The following COG2 variants were observed in gnomAD, a reference collection of about 807,000 sequenced individuals.
COG2 encodes component of oligomeric golgi complex 2.
A neutral mutation model predicts 90.6 loss-of-function variants in COG2; 52 were observed. The observed-to-expected ratio is 0.57, with a 90% CI of 0.46 to 0.72. The LOEUF (loss-of-function observed/expected upper bound fraction) is 0.72, where lower values mean the gene tolerates loss of function less well. Among genes scored for constraint, COG2 ranks in the 30% least tolerant of loss-of-function variants. COG2 has a pLI of 0.00. For missense variants in COG2, 829 were observed against 891.2 expected (o/e 0.93, Z 0.89); for synonymous variants, 337 against 320.4 (o/e 1.05, Z -0.55).
At position 230,693,445 on chromosome 1, in the gene COG2, T is replaced by A. The variant is rs755052528; in HGVS notation, c.*52T>A. 8.4e-7 allele frequency: 1 copy of A among 1,189,106 alleles called. No homozygotes were observed. The highest frequency in any genetic ancestry group is 1.2e-6 in the Non-Finnish European group (1 of 812,344). The allele number at this position is 1,189,106 out of a possible 1,614,324, so 73.7% of individuals were successfully genotyped here. On this transcript the variant is annotated 3_prime_UTR_variant, in exon 18 of 18. Coordinates refer to ENST00000366669, the MANE Select transcript of COG2 (RefSeq NM_007357.3). ...TTCTTAAGCAAGAGAAGAGTTGGAC[T>A]TCCAGGCTGAAGGGGAGAAAGTGAC...
chr1:230,671,725 G>A, intron 8 of COG2, 85 bp downstream of exon 8: 2 of 1,271,830 alleles, frequency 1.6e-6, no homozygotes. Flanking sequence ...GACGATGACT[G>A]TCTTGTATGA....
At position 230,660,818 on chromosome 1, in the gene COG2, G is replaced by T; in HGVS notation, c.295G>T (p.Val99Phe). 2 of 1,574,156 alleles carry T rather than the reference G, an allele frequency of 1.3e-6. No homozygotes were observed. Among genetic ancestry groups the T allele is most frequent in the East Asian group, 4.8e-5 (2 of 41,934 alleles). Residue 99 changes from valine to phenylalanine, a missense_variant, in exon 3 of 18, where the codon GTT (valine) becomes TTT (phenylalanine). Val to Phe is a conservative substitution (Grantham distance 50, BLOSUM62 -1). Transcript: ENST00000366669. Reference sequence around the variant, plus strand: ...GCCTTTGGGACAATTACGAGAAGAGGTTCTGGTAAGTTTCCCGAATAACAT... The same window carrying T: ...GCCTTTGGGACAATTACGAGAAGAGTTTCTGGTAAGTTTCCCGAATAACAT... ...SVPLGQLREE[V>F]LSLRSSVSEG... is the part of the protein sequence containing the mutation.
chr1:230,643,417 C>G (rs1275720860), intron 1 of COG2, among the ~76,000 whole-genome samples: 1 of 152,192 alleles, frequency 6.6e-6, no homozygotes, highest in East Asian at 1.9e-4. Context: ...TGGGTCTGCA[C>G]TTAAGCCATT....
Position 230,685,057 on chromosome 1 carries a change from ATG to A in COG2, c.1229-22_1229-21del, listed in dbSNP as rs746090812. ...CCTAAAATTGCCTGAAATTCCTTAA[ATG>A]TGTGTTGTTGTTGTTTTTTCTCTAG... On this transcript the variant is annotated intron_variant, in intron 11 of 17. Coordinates refer to ENST00000366669, the MANE Select transcript of COG2 (RefSeq NM_007357.3). 2.5e-6 allele frequency: 4 copies of A among 1,612,390 alleles called. No individual in the cohort carries two copies. The East Asian group carries it at 8.9e-5, about 36-fold the overall frequency.
Position 230,671,508 on chromosome 1 carries a change from T to G in COG2, c.775-8T>G, listed in dbSNP as rs948637931. On this transcript the variant is annotated splice_polypyrimidine_tract_variant and splice_region_variant and intron_variant, in intron 7 of 17. Transcript: ENST00000366669. ...TGCTTTTTTAAAAAATGATTTTTCT[T>G]TTAATAGGTGATTATAGAGCAGTTT... 2 of 1,600,588 alleles carry G rather than the reference T, an allele frequency of 1.2e-6. No homozygotes were observed. The highest frequency in any genetic ancestry group is 1.4e-5 in the African/African-American group (1 of 73,930).
rs751510643 is a variant in COG2 at position 230,693,443 on chromosome 1, A to G, written c.*50A>G. ...GATTCTTAAGCAAGAGAAGAGTTGG[A>G]CTTCCAGGCTGAAGGGGAGAAAGTG... On this transcript the variant is annotated 3_prime_UTR_variant, in exon 18 of 18. Coordinates refer to ENST00000366669, the MANE Select transcript of COG2 (RefSeq NM_007357.3). 3 of 1,199,514 alleles carry G rather than the reference A, an allele frequency of 2.5e-6. No individual in the cohort carries two copies. The highest frequency in any genetic ancestry group is 2.6e-5 in the South Asian group (2 of 76,328). The allele number at this position is 1,199,514 out of a possible 1,614,324, so 74.3% of individuals were successfully genotyped here. A position where few individuals can be genotyped will look rare whatever the true frequency, so the allele number is the denominator to read the frequency against.
In COG2 at chr1:230,693,353, TTGCTGC is replaced by T. The variant is rs778119131; in HGVS notation, c.2181_2186del (p.Ala728_Ala729del). On this transcript the variant is annotated inframe_deletion, in exon 18 of 18. Transcript: ENST00000366669. Reference sequence around the variant, plus strand: ...AGCTTCTCAGCTCTCGCAGAGCTTGTTGCTGCTGCCAAGGACCAGGCAACAGCAGAG... The same window carrying T: ...AGCTTCTCAGCTCTCGCAGAGCTTGTTGCCAAGGACCAGGCAACAGCAGAG... 6.2e-7 allele frequency: 1 copy of T among 1,613,740 alleles called. No homozygotes were observed. Among genetic ancestry groups the T allele is most frequent in the Non-Finnish European group, 8.5e-7 (1 of 1,179,766 alleles).
chr1:230,689,892 G>T lies in COG2; in HGVS notation c.1795-122G>T, dbSNP rs905520178. The T allele has an allele frequency of 3.1e-6, 3 of 963,424 alleles. No homozygotes were observed. In the South Asian group the frequency reaches 5.7e-5, roughly 18 times the overall value. The allele number at this position is 963,424 out of a possible 1,614,324, so 59.7% of individuals were successfully genotyped here. ...AGTGTTACTTTTGGGAGGGATGGAA[G>T]TTGTCCGTGTCTCAAAACTAGAACG... is the stretch of plus-strand genomic sequence containing the variant. On this transcript the variant is annotated intron_variant, in intron 15 of 17. Transcript: ENST00000366669.
chr1:230,676,164 ATTAAATTTAC>A (rs1240133555), intron 9 of COG2, among the ~76,000 whole-genome samples: 2 of 152,074 alleles, frequency 1.3e-5, no homozygotes, highest in Non-Finnish European at 2.9e-5. Flanking sequence ...TAGGTACTTT[ATTAAATTTAC>A]AGTGATTCTA....
At chr1:230,686,581 T>C (rs1662889429) in intron 12 of COG2, among the ~76,000 whole-genome samples, 1 of 152,228 alleles carries the variant, frequency 6.6e-6, no homozygotes, top group Non-Finnish European at 1.5e-5. Flanking sequence ...TACAAATGTA[T>C]TACGCTATGT....
Position 230,685,249 on chromosome 1 carries a change from T to C in COG2, c.1380+13T>C. The C allele has an allele frequency of 6.2e-7, 1 of 1,613,748 alleles. No individual in the cohort carries two copies. The highest frequency in any genetic ancestry group is 8.5e-7 in the Non-Finnish European group (1 of 1,179,878). The stretch of plus-strand genomic sequence containing the variant: ...GTTTGTCAATGAGGTAAGGGCTGGC[T>C]GTGGAGCTCATCCATAATCAATACT... On this transcript the variant is annotated intron_variant, in intron 12 of 17. Transcript: ENST00000366669.
At chr1:230,652,091 C>T (rs1434984811) in intron 1 of COG2, among the ~76,000 whole-genome samples, 2 of 152,198 alleles carry the variant, frequency 1.3e-5, no homozygotes, top group African/African-American at 2.4e-5. Context: ...TTAATAAGTA[C>T]ATAGTGTCAT....
chr1:230,686,872 ATATAT>A, intron 12 of COG2, 58 bp from the exon 13 acceptor site: 1 of 1,063,792 alleles, frequency 9.4e-7, no homozygotes, highest in Non-Finnish European at 1.3e-6. Flanking sequence ...CACATATGTA[ATATAT>A]AAATGCTCAT....
chr1:230,691,686 G>A (rs1368585466), intron 17 of COG2, 122 bp downstream of exon 17: 15 of 902,034 alleles, frequency 1.7e-5, no homozygotes, highest in Non-Finnish European at 2.5e-5. Flanking sequence ...ATTGCTTCCT[G>A]TGTTAAGACT....
intron 8 of COG2, among the ~76,000 whole-genome samples, chr1:230,672,807 CT>C (rs1393439465): frequency 3.3e-5 from 5 of 152,198 alleles, no homozygotes; most frequent in African/African-American, 1.2e-4. Flanking sequence ...ACACCTTCCC[CT>C]GCCTCTTGAC....
rs530367212 is a variant in COG2 at position 230,650,701 on chromosome 1, G to T, written c.72+8023G>T. ...GCTCTGCAGAGCTTTTTGGTTTAAC[G>T]AAGTCTCATTTGTCTATTTTTGTTT... On this transcript the variant is annotated intron_variant, in intron 1 of 17. Coordinates refer to ENST00000366669, the MANE Select transcript of COG2 (RefSeq NM_007357.3). Among the ~76,000 whole-genome samples, 243 of 152,134 alleles carry T rather than the reference G, an allele frequency of 1.6e-3. 3 individuals are homozygous for T. Among genetic ancestry groups the T allele is most frequent in the African/African-American group, 5.7e-3 (237 of 41,506 alleles).
At chr1:230,647,617 C>T (rs1661821113) in intron 1 of COG2, among the ~76,000 whole-genome samples, 1 of 152,114 alleles carries the variant, frequency 6.6e-6, no homozygotes, top group Admixed American at 6.5e-5. Context: ...CTTACAGTTG[C>T]CCCTCAGTAT....
intron 11 of COG2, among the ~76,000 whole-genome samples, chr1:230,684,626 A>C (rs1662842550): frequency 6.6e-6 from 1 of 152,184 alleles, no homozygotes; most frequent in African/African-American, 2.4e-5. Context: ...CCTCAGAGTT[A>C]GTTTTCATCT....
intron 9 of COG2, chr1:230,678,275 A>G (rs1662646511): frequency 1.0e-6 from 1 of 985,244 alleles, no homozygotes; most frequent in African/African-American, 1.7e-5. Context: ...GTGAGCCTCA[A>G]CAGAAGAAGA....
Sources: allele counts gnomAD v4.1 joint callset (sites outside exome capture counted in the v4.1 genomes callset), GRCh38; gene constraint gnomAD v4.1.1; transcripts MANE v1.5; gene names NCBI Gene and HGNC (gene_info 2026-07-23, HGNC 2026-07-21).